ARHGAP28: variants seen among roughly 807,000 people sequenced by gnomAD.
ARHGAP28 encodes the protein rho GTPase-activating protein 28.
Under a neutral mutation model 90.7 loss-of-function variants are expected in ARHGAP28, and 56 were observed. That is an observed-to-expected ratio of 0.62 (90% CI 0.50 to 0.77). The LOEUF is 0.77. Among genes scored for constraint, ARHGAP28 ranks in the 30% least tolerant of loss-of-function variants. The probability of loss-of-function intolerance (pLI) is 0.00; values close to 1 mark genes in which losing one functional copy is unlikely to be tolerated. For synonymous variants in ARHGAP28, 308 were observed against 323.3 expected (o/e 0.95, Z 0.51); for missense variants, 869 against 900.9 (o/e 0.96, Z 0.45).
At chr18:6,748,340 A>G (rs906584206) in intron 1 of ARHGAP28, among the ~76,000 whole-genome samples, 3 of 152,222 alleles carry the variant, frequency 2.0e-5, no homozygotes, top group African/African-American at 4.8e-5. Flanking sequence ...GAGCTCTCAC[A>G]GTATTAAGAG....
chr18:6,754,177 A>G (rs1278114883), intron 1 of ARHGAP28, among the ~76,000 whole-genome samples: 1 of 152,138 alleles, frequency 6.6e-6, no homozygotes, highest in Non-Finnish European at 1.5e-5. Flanking sequence ...CTTTCCTTAA[A>G]TCTTTAGTGA....
intron 3 of ARHGAP28, among the ~76,000 whole-genome samples, chr18:6,841,189 C>CTT: frequency 1.7e-5 from 1 of 59,714 alleles, no homozygotes; most frequent in Non-Finnish European, 3.2e-5. Context: ...TCCTCTCTCT[C>CTT]TCTCTCTCTC....
At chr18:6,896,799 T>C in intron 16 of ARHGAP28, 173 bp downstream of exon 16, 1 of 692,238 alleles carries the variant, frequency 1.4e-6, no homozygotes, top group Non-Finnish European at 2.2e-6. Flanking sequence ...AGATATATGA[T>C]TGCTAACAAC....
intron 1 of ARHGAP28, among the ~76,000 whole-genome samples, chr18:6,750,897 G>T (rs77031031): frequency 0.012 from 1,880 of 152,076 alleles, 37 homozygotes; most frequent in African/African-American, 0.043. Context: ...GTACCTTTTC[G>T]TGTTTTCTTC....
intron 1 of ARHGAP28, among the ~76,000 whole-genome samples, chr18:6,810,184 T>C (rs1447285821): frequency 6.6e-6 from 1 of 152,200 alleles, no homozygotes; most frequent in Non-Finnish European, 1.5e-5. Context: ...TTTTATGAGA[T>C]ACCAGTAAGT....
At chr18:6,787,609 A>G (rs1254148562) in intron 1 of ARHGAP28, among the ~76,000 whole-genome samples, 2 of 152,228 alleles carry the variant, frequency 1.3e-5, no homozygotes, top group Non-Finnish European at 2.9e-5. Flanking sequence ...TGGCACAGAC[A>G]TTAACACTTT....
intron 1 of ARHGAP28, among the ~76,000 whole-genome samples, chr18:6,768,246 A>G (rs2056215312): frequency 6.6e-6 from 1 of 151,912 alleles, no homozygotes; most frequent in African/African-American, 2.4e-5. Context: ...TTATGTGCTA[A>G]TTCCGCCACC....
intron 16 of ARHGAP28, among the ~76,000 whole-genome samples, chr18:6,905,684 A>G (rs2143842174): frequency 6.6e-6 from 1 of 152,320 alleles, no homozygotes; most frequent in Non-Finnish European, 1.5e-5. Context: ...AGAAGTAATA[A>G]GTCAGTTCAG....
At chr18:6,751,166 ATAAC>A (rs2056066003) in intron 1 of ARHGAP28, among the ~76,000 whole-genome samples, 1 of 152,316 alleles carries the variant, frequency 6.6e-6, no homozygotes, top group South Asian at 2.1e-4. Context: ...GAAAAACAAA[ATAAC>A]TGACTGCTTA....
At chr18:6,734,687 C>T (rs1323527396) in intron 1 of ARHGAP28, among the ~76,000 whole-genome samples, 1 of 152,046 alleles carries the variant, frequency 6.6e-6, no homozygotes, top group Non-Finnish European at 1.5e-5. Flanking sequence ...ATTAAGAAAA[C>T]ATTTACTTCC....
chr18:6,865,690 C>T (rs566427131), intron 5 of ARHGAP28, among the ~76,000 whole-genome samples: 1 of 152,118 alleles, frequency 6.6e-6, no homozygotes. Flanking sequence ...GGAGGACATA[C>T]CAGATAACTT....
chr18:6,862,536 C>T (rs1384873010), intron 5 of ARHGAP28, among the ~76,000 whole-genome samples: 1 of 152,208 alleles, frequency 6.6e-6, no homozygotes, highest in Non-Finnish European at 1.5e-5. Flanking sequence ...AGAAGTAAAT[C>T]CACCAGGTTT....
chr18:6,825,245 G>T (rs1261577513), intron 2 of ARHGAP28, among the ~76,000 whole-genome samples: 1 of 152,000 alleles, frequency 6.6e-6, no homozygotes, highest in East Asian at 1.9e-4. Flanking sequence ...CCTGTCTATT[G>T]GTTTGATTCA....
chr18:6,750,308 A>G (rs1295221034), intron 1 of ARHGAP28, among the ~76,000 whole-genome samples: 3 of 152,134 alleles, frequency 2.0e-5, no homozygotes, highest in Non-Finnish European at 4.4e-5. Context: ...CTAAAACCCA[A>G]TGCTGCTGCT....
chr18:6,729,843 G>T lies in ARHGAP28; in HGVS notation c.22G>T (p.Gly8Cys). The part of the protein sequence containing the change: MEVEDSG[G>C]VVLTAYHSYA... The stretch of plus-strand genomic sequence containing the variant: ...GACGATGGAGGTGGAGGACTCGGGC[G>T]GCGTGGTGCTGACCGCCTACCACTC... The change falls in exon 1 of 18, where the codon GGC (glycine) becomes TGC (cysteine). Residue 8 changes from glycine (G) to cysteine (C), a missense_variant. Physicochemically the swap from Gly to Cys is radical, Grantham distance 159. Transcript: ENST00000383472. 7.0e-7 allele frequency: 1 copy of T among 1,424,296 alleles called. No individual in the cohort carries two copies. Among genetic ancestry groups the T allele is most frequent in the South Asian group, 1.4e-5 (1 of 69,196 alleles). The allele number at this position is 1,424,296 out of a possible 1,614,324, so 88.2% of individuals were successfully genotyped here. A position where few individuals can be genotyped will look rare whatever the true frequency, so the allele number is the denominator to read the frequency against.
chr18:6,781,542 T>C (rs2056324667), intron 1 of ARHGAP28, among the ~76,000 whole-genome samples: 2 of 152,264 alleles, frequency 1.3e-5, no homozygotes, highest in South Asian at 4.2e-4. Context: ...GGAGCTGCTG[T>C]CTCTGCCCAT....
chr18:6,823,062 T>C (rs2056636613), intron 1 of ARHGAP28, among the ~76,000 whole-genome samples: 1 of 152,204 alleles, frequency 6.6e-6, no homozygotes, highest in Non-Finnish European at 1.5e-5. Context: ...AGCTCTTGTT[T>C]GAGTGAAACA....
chr18:6,783,458 G>T (rs557802969), intron 1 of ARHGAP28, among the ~76,000 whole-genome samples: 3 of 140,114 alleles, frequency 2.1e-5, no homozygotes, highest in African/African-American at 3.3e-5. Context: ...TGTGCCACCA[G>T]GCCTGGCTAA....
chr18:6,891,499 A>G (rs888412899), intron 14 of ARHGAP28, among the ~76,000 whole-genome samples: 1 of 151,816 alleles, frequency 6.6e-6, no homozygotes, highest in Non-Finnish European at 1.5e-5. Context: ...GGCCAGGCTG[A>G]TCTTGAACTC....
Sources: allele counts gnomAD v4.1 joint callset (sites outside exome capture counted in the v4.1 genomes callset), GRCh38; gene constraint gnomAD v4.1.1; transcripts MANE v1.5; gene names NCBI Gene and HGNC (gene_info 2026-07-23, HGNC 2026-07-21).